The following MYO5B variants were observed in gnomAD, a reference collection of about 807,000 sequenced individuals.
The protein encoded by MYO5B is unconventional myosin-Vb.
MYO5B carries 143 observed loss-of-function variants against 229.3 expected under a neutral mutation model. That is an observed-to-expected ratio of 0.62 (90% confidence interval 0.54 to 0.72). The LOEUF (loss-of-function observed/expected upper bound fraction) is 0.72. Ranked by LOEUF, MYO5B falls within the 30% of genes least tolerant of loss-of-function variation. MYO5B has a pLI of 0.00. For missense variants in MYO5B, 2,321 were observed against 2,331.0 expected (o/e 1.00, Z 0.09); for synonymous variants, 918 against 885.2 (o/e 1.04, Z -0.66).
intron 14 of MYO5B, among the ~76,000 whole-genome samples, chr18:49,939,647 GCA>G (rs1347627212): frequency 6.6e-6 from 1 of 152,176 alleles, no homozygotes; most frequent in Non-Finnish European, 1.5e-5. Context: ...CCACCACCAA[GCA>G]CAATGGTCAG....
rs372387496 is a variant in MYO5B at position 49,837,679 on chromosome 18, C to T, written c.4976G>A (p.Arg1659His). Residue 1659 changes from arginine to histidine, a missense_variant, in exon 37 of 40, where the codon CGC (arginine) becomes CAC (histidine). Transcript: ENST00000285039. ...DNSYCLEAIIRQMNAFHTVMC... is the reference protein window; with the variant it reads ...DNSYCLEAIIHQMNAFHTVMC... ...GACTGTATGAAAGGCATTCATCTGG[C>T]GGATGATAGCTTCCAGGCAGTATGA... The T allele has an allele frequency of 5.8e-5, 94 of 1,614,098 alleles. No homozygotes were observed. Among genetic ancestry groups the T allele is most frequent in the African/African-American group, 1.3e-4 (10 of 75,026 alleles).
intron 1 of MYO5B, among the ~76,000 whole-genome samples, chr18:50,058,218 G>C (rs1269380492): frequency 6.6e-6 from 1 of 152,172 alleles, no homozygotes; most frequent in African/African-American, 2.4e-5. Flanking sequence ...TATCATTCCA[G>C]CACTTTGGGA....
At chr18:50,120,725 TG>T (rs1234779074) in intron 1 of MYO5B, among the ~76,000 whole-genome samples, 2 of 152,080 alleles carry the variant, frequency 1.3e-5, no homozygotes, top group African/African-American at 2.4e-5. Flanking sequence ...AGTCTAGGGG[TG>T]GAGAACACCT....
intron 22 of MYO5B, among the ~76,000 whole-genome samples, chr18:49,887,459 C>A (rs1016880149): frequency 6.6e-6 from 1 of 152,104 alleles, no homozygotes; most frequent in African/African-American, 2.4e-5. Context: ...TAAGTTCTCA[C>A]TGAGTTCACG....
intron 27 of MYO5B, among the ~76,000 whole-genome samples, chr18:49,865,894 C>A (rs2024389888): frequency 6.6e-6 from 1 of 152,156 alleles, no homozygotes. Flanking sequence ...TTCCTGGACA[C>A]CATCTCCCCT....
chr18:50,133,422 C>A (rs7231741), intron 1 of MYO5B, among the ~76,000 whole-genome samples: 1,699 of 152,210 alleles, frequency 0.011, 17 homozygotes, highest in Middle Eastern at 0.017. Flanking sequence ...ATTAAAAGAA[C>A]CTTCAATAGA....
chr18:49,953,967 ATGTG>A (rs1240962514), intron 13 of MYO5B, among the ~76,000 whole-genome samples: 5 of 65,146 alleles, frequency 7.7e-5, no homozygotes, highest in African/African-American at 3.5e-4. Context: ...GTGTGTGTGT[ATGTG>A]TGTGTGTATA....
chr18:50,193,585 C>A (rs1192975091), intron 1 of MYO5B, among the ~76,000 whole-genome samples: 3 of 152,248 alleles, frequency 2.0e-5, no homozygotes, highest in Non-Finnish European at 2.9e-5. Context: ...CCAGCCCAGA[C>A]CTGTTGGCCC....
At chr18:50,092,988 TAACA>T (rs1228240988) in intron 1 of MYO5B, among the ~76,000 whole-genome samples, 1 of 152,118 alleles carries the variant, frequency 6.6e-6, no homozygotes, top group Non-Finnish European at 1.5e-5. Context: ...GAAGAAACCT[TAACA>T]AACATGCAGA....
chr18:49,974,782 C>CAA (rs1555648461), intron 9 of MYO5B, among the ~76,000 whole-genome samples, 167 bp from the exon 10 acceptor site: 3 of 119,580 alleles, frequency 2.5e-5, no homozygotes, highest in African/African-American at 6.4e-5. Flanking sequence ...GTCTCTCTCA[C>CAA]ACACACACAC....
intron 1 of MYO5B, among the ~76,000 whole-genome samples, chr18:50,109,388 T>C (rs920257428): frequency 1.3e-5 from 2 of 151,692 alleles, no homozygotes; most frequent in Non-Finnish European, 2.9e-5. Context: ...CACCAACTTG[T>C]CAATCTTATC....
intron 1 of MYO5B, among the ~76,000 whole-genome samples, chr18:50,183,974 C>T (rs1443886377): frequency 6.6e-6 from 1 of 152,198 alleles, no homozygotes; most frequent in Non-Finnish European, 1.5e-5. Flanking sequence ...GTTATGACAT[C>T]AGGACAGCCT....
At chr18:50,051,384 G>T (rs886509226) in intron 2 of MYO5B, among the ~76,000 whole-genome samples, 1 of 152,154 alleles carries the variant, frequency 6.6e-6, no homozygotes, top group East Asian at 1.9e-4. Flanking sequence ...CATCATCAAG[G>T]TGGGTGATAG....
At chr18:50,113,550 C>T (rs758823510) in intron 1 of MYO5B, among the ~76,000 whole-genome samples, 6 of 152,220 alleles carry the variant, frequency 3.9e-5, no homozygotes, top group Non-Finnish European at 8.8e-5. Flanking sequence ...TTTCTTTATG[C>T]CTGAACATCA....
chr18:49,877,788 G>A lies in MYO5B; in HGVS notation c.3371C>T (p.Thr1124Ile), dbSNP rs758385996. 3.7e-6 allele frequency: 6 copies of A among 1,614,024 alleles called. No individual in the cohort carries two copies. In the Admixed American group the frequency reaches 5.0e-5, roughly 13 times the overall value. Reference protein sequence around the residue: ...PSISTSEIGDTEDALQQVEEI... With the variant: ...PSISTSEIGDIEDALQQVEEI... The stretch of plus-strand genomic sequence containing the variant: ...CTCCACCTGCTGGAGGGCATCCTCA[G>A]TGTCTCCGATCTCAGATGTGGAGAT... The change falls in exon 25 of 40, where the codon ACT becomes ATT. Residue 1124 changes from threonine to isoleucine, a missense_variant. Physicochemically the swap from Thr to Ile is moderately conservative, Grantham distance 89. This residue lies in a region of MYO5B where 2,113 missense variants were observed against 2,044.7 expected (regional missense o/e 1.03). Coordinates refer to ENST00000285039, the MANE Select transcript of MYO5B (RefSeq NM_001080467.3).
At chr18:49,994,156 C>T (rs1165282121) in intron 5 of MYO5B, among the ~76,000 whole-genome samples, 3 of 152,140 alleles carry the variant, frequency 2.0e-5, no homozygotes, top group African/African-American at 4.8e-5. Context: ...ACTAGGGGAG[C>T]ACCTCCTGCC....
chr18:49,875,953 C>T (rs1239104077), intron 25 of MYO5B, 126 bp from the exon 26 acceptor site: 1 of 1,121,928 alleles, frequency 8.9e-7, no homozygotes, highest in Non-Finnish European at 1.3e-6. Context: ...CATCAATTTG[C>T]ATCTCAAATA....
At chr18:49,902,988 G>A (rs534108667) in intron 20 of MYO5B, among the ~76,000 whole-genome samples, 155 bp from the exon 21 acceptor site, 267 of 152,316 alleles carry the variant, frequency 1.8e-3, no homozygotes, top group African/African-American at 6.0e-3. Flanking sequence ...AGGCTTTGGT[G>A]GTTGTTTTAT....
chr18:49,978,694 TACACACACAC>T (rs10527520), intron 9 of MYO5B, among the ~76,000 whole-genome samples: 23,719 of 139,012 alleles, frequency 0.17, 2,169 homozygotes, highest in Middle Eastern at 0.23. Context: ...CAGCAAGTAA[TACACACACAC>T]ACACACACAC....
Sources: allele counts gnomAD v4.1 joint callset (sites outside exome capture counted in the v4.1 genomes callset), GRCh38; gene constraint gnomAD v4.1.1; regional missense constraint gnomAD v4.1.1; transcripts MANE v1.5; gene names NCBI Gene and HGNC (gene_info 2026-07-23, HGNC 2026-07-21).